The following ANXA8 variants were observed in gnomAD, a reference collection of about 807,000 sequenced individuals.
The protein encoded by ANXA8 is annexin A8.
In ANXA8, 9 loss-of-function variants were observed where a neutral mutation model predicts 26.8. The observed-to-expected ratio is 0.34, with a 90% CI of 0.20 to 0.59. The LOEUF (loss-of-function observed/expected upper bound fraction) is 0.59. Among genes scored for constraint, ANXA8 ranks in the 20% least tolerant of loss-of-function variants. The pLI is 0.84. For missense variants in ANXA8, 83 were observed against 238.5 expected (o/e 0.35, Z 4.29); for synonymous variants, 39 against 94.8 (o/e 0.41, Z 3.42).
chr10:47,631,662 TAA>T, the ANXA8 span, among the ~76,000 whole-genome samples: 2 of 150,410 alleles, frequency 1.3e-5, no homozygotes, highest in Non-Finnish European at 2.9e-5. Context: ...AACTTTTATT[TAA>T]GTTATTTTTT....
At chr10:47,687,428 G>A in the ANXA8 span, among the ~76,000 whole-genome samples, 2 of 151,422 alleles carry the variant, frequency 1.3e-5, no homozygotes, top group South Asian at 2.1e-4. Flanking sequence ...TCACGCCCTG[G>A]TGATTTTTGT....
the ANXA8 span, chr10:47,696,258 G>T: frequency 7.8e-6 from 3 of 384,364 alleles, no homozygotes; most frequent in Non-Finnish European, 1.4e-5. Context: ...TTGTCATTTC[G>T]TGCCCTTAGG....
At chr10:47,768,075 G>A in the ANXA8 span, among the ~76,000 whole-genome samples, 8 of 150,444 alleles carry the variant, frequency 5.3e-5, no homozygotes, top group African/African-American at 2.0e-4. Context: ...TCAGCATGGA[G>A]CAGAAGTCAG....
the ANXA8 span, among the ~76,000 whole-genome samples, chr10:47,674,654 C>G: frequency 6.6e-6 from 1 of 151,740 alleles, no homozygotes; most frequent in African/African-American, 2.4e-5. Flanking sequence ...TCCTCAAGGG[C>G]AAAGTGTCTG....
the ANXA8 span, among the ~76,000 whole-genome samples, chr10:47,970,789 C>A: frequency 1.3e-5 from 2 of 151,246 alleles, no homozygotes; most frequent in Non-Finnish European, 3.0e-5. Flanking sequence ...TATTCTGGGA[C>A]CGTAATGGAC....
chr10:47,595,256 G>C, the ANXA8 span, among the ~76,000 whole-genome samples: 1 of 148,180 alleles, frequency 6.7e-6, no homozygotes, highest in Non-Finnish European at 1.5e-5. Context: ...CTGCAGAAAT[G>C]CTTAAGGGAG....
chr10:47,495,255 CATTATTATTATTATT>C, the ANXA8 span, among the ~76,000 whole-genome samples: 1 of 103,024 alleles, frequency 9.7e-6, no homozygotes, highest in South Asian at 3.8e-4. Context: ...AGAAACATGG[CATTATTATTATTATT>C]ATTATTATTA....
chr10:47,958,376 G>A, the ANXA8 span, among the ~76,000 whole-genome samples: 1 of 147,628 alleles, frequency 6.8e-6, no homozygotes, highest in East Asian at 2.1e-4. Context: ...CTATGTGGGA[G>A]GCTGAGGCAG....
At chr10:47,485,816 TA>T (rs1341056723), upstream of ANXA8, among the ~76,000 whole-genome samples, 2 of 149,130 alleles carry the variant, frequency 1.3e-5, no homozygotes, top group East Asian at 3.9e-4. Flanking sequence ...AGTCTCTAAA[TA>T]AATATTCTGG....
At chr10:47,673,944 G>A in the ANXA8 span, among the ~76,000 whole-genome samples, 11 of 150,074 alleles carry the variant, frequency 7.3e-5, no homozygotes, top group East Asian at 2.1e-3. Flanking sequence ...TCTCCTTAGG[G>A]TCCTCTTGGT....
At chr10:47,516,393 C>CTGTAATA in the ANXA8 span, among the ~76,000 whole-genome samples, 169 of 98,760 alleles carry the variant, frequency 1.7e-3, 4 homozygotes, top group African/African-American at 6.9e-3. Context: ...AAGAACAACA[C>CTGTAATA]TGTAATAAGA....
the ANXA8 span, among the ~76,000 whole-genome samples, chr10:47,691,738 AAC>A: frequency 6.7e-6 from 1 of 149,342 alleles, no homozygotes; most frequent in Middle Eastern, 3.2e-3. Flanking sequence ...TAGCCCAAGC[AAC>A]AGAGTTAGAC....
the ANXA8 span, among the ~76,000 whole-genome samples, chr10:47,727,244 A>G: frequency 2.0e-5 from 3 of 152,414 alleles, no homozygotes; most frequent in African/African-American, 7.2e-5. Flanking sequence ...AATGAAGTCA[A>G]TGAGTGTATG....
chr10:47,939,303 CAAA>C, the ANXA8 span, among the ~76,000 whole-genome samples: 10 of 81,166 alleles, frequency 1.2e-4, no homozygotes, highest in Admixed American at 1.3e-4. Context: ...AACTCTGTCT[CAAA>C]AAAAAAAAAA....
the ANXA8 span, chr10:47,564,881 T>A: frequency 7.0e-7 from 1 of 1,428,056 alleles, no homozygotes; most frequent in South Asian, 1.2e-5. Context: ...CCAGAGCCAC[T>A]TCTTGCGGGT....
chr10:47,751,329 C>T, the ANXA8 span: 1 of 107,446 alleles, frequency 9.3e-6, no homozygotes, highest in South Asian at 3.8e-4. Context: ...ATGTCATGTG[C>T]AGATATAGTT....
chr10:47,733,143 ATCTTTCTTTCTTTCTT>A, the ANXA8 span, among the ~76,000 whole-genome samples: 290 of 98,084 alleles, frequency 3.0e-3, no homozygotes, highest in African/African-American at 4.8e-3. Flanking sequence ...CAACTCCCTA[ATCTTTCTTTCTTTCTT>A]TCTTTCTTTC....
the ANXA8 span, among the ~76,000 whole-genome samples, chr10:47,498,183 G>A: frequency 1.3e-3 from 194 of 150,324 alleles, 1 homozygote; most frequent in Non-Finnish European, 2.2e-3. Flanking sequence ...GGCAACCCCC[G>A]TTCTACCTTC....
At chr10:47,556,994 A>G in the ANXA8 span, among the ~76,000 whole-genome samples, 24 of 138,376 alleles carry the variant, frequency 1.7e-4, no homozygotes, top group African/African-American at 6.2e-4. Context: ...TATAATTTTT[A>G]TTTTCTTTCT....
Sources: gnomAD v4.1 joint callset for allele counts (sites outside exome capture counted in the v4.1 genomes callset) on GRCh38, gnomAD v4.1.1 for gene constraint, MANE v1.5 for transcripts, NCBI Gene and HGNC (gene_info 2026-07-23, HGNC 2026-07-21) for gene names.